Variants in CES4A observed in about 807,000 individuals in gnomAD.
CES4A encodes carboxylesterase 6.
In CES4A, 48 loss-of-function variants were observed where a neutral mutation model predicts 65.4. The ratio of observed to expected loss-of-function variants is 0.73; its 90% CI spans 0.58 to 0.93. The LOEUF (loss-of-function observed/expected upper bound fraction) is 0.93. Among genes scored for constraint, CES4A ranks in the 40% least tolerant of loss-of-function variants. The probability of loss-of-function intolerance (pLI) is 0.00; values close to 1 mark genes in which losing one functional copy is unlikely to be tolerated. For synonymous variants in CES4A, 247 were observed against 281.8 expected (o/e 0.88, Z 1.24); for missense variants, 685 against 728.5 (o/e 0.94, Z 0.69).
chr16:66,999,844 G>T (rs907226128), intron 2 of CES4A, among the ~76,000 whole-genome samples: 1 of 152,196 alleles, frequency 6.6e-6, no homozygotes, highest in African/African-American at 2.4e-5. Flanking sequence ...AGAAGAGGAA[G>T]TGACCAGGAG....
rs778656990 is a variant in CES4A at position 67,000,893 on chromosome 16, G to A, written c.439G>A (p.Gly147Ser). 2 of 1,610,496 alleles carry A rather than the reference G, an allele frequency of 1.2e-6. No homozygotes were observed. The highest frequency in any genetic ancestry group is 1.7e-6 in the Non-Finnish European group (2 of 1,178,454). ...GTTCCCGGGAGGCGCCTTCATCGTG[G>A]GCGCTGCTTCTTCGTACGAGGGCTC... Residue 147 changes from glycine to serine, a missense_variant, in exon 4 of 14, where the codon GGC (glycine) becomes AGC (serine). Gly to Ser is a moderately conservative substitution (Grantham distance 56). Transcript: ENST00000648724. This position sits in a 1 kb window ranked among gnomAD's most constrained non-coding sequence, Gnocchi z 4.2.
intron 1 of CES4A, among the ~76,000 whole-genome samples, chr16:66,990,159 TC>T (rs1338870556): frequency 6.8e-6 from 1 of 147,556 alleles, no homozygotes; most frequent in Non-Finnish European, 1.5e-5. Context: ...CAAGCAATTC[TC>T]CCCACCTCAG....
intron 5 of CES4A, among the ~76,000 whole-genome samples, chr16:67,002,269 G>A (rs1454795772): frequency 6.6e-6 from 1 of 152,120 alleles, no homozygotes; most frequent in Non-Finnish European, 1.5e-5. Flanking sequence ...GGGTTCAAGC[G>A]ATTCTCCAAA....
chr16:66,994,867 G>A (rs1308464592), intron 1 of CES4A, among the ~76,000 whole-genome samples: 11 of 150,730 alleles, frequency 7.3e-5, no homozygotes, highest in East Asian at 6.0e-4. Context: ...AGCCAGGCGC[G>A]GTGCTGTGTG....
rs1045441458 is a variant in CES4A, at chr16:67,000,552, A to G, written c.261-86A>G. The G allele has an allele frequency of 8.4e-5, 124 of 1,482,800 alleles. 1 individual carries two copies. The South Asian group carries it at 1.6e-3, about 19-fold the overall frequency. 91.9% of individuals were successfully genotyped at this position (1,482,800 alleles called of 1,614,324 possible). A position where few individuals can be genotyped will look rare whatever the true frequency, so the allele number is the denominator to read the frequency against. Reference sequence around the variant, plus strand: ...ACGCACGCGCACAGACGCTGCCTGGATTTTGCTTTGGGTTCCGTCTTCTCA... The same window carrying G: ...ACGCACGCGCACAGACGCTGCCTGGGTTTTGCTTTGGGTTCCGTCTTCTCA... On this transcript the variant is annotated intron_variant, in intron 2 of 13. Transcript: ENST00000648724. The surrounding 1 kb of genome is among the most constrained non-coding windows in gnomAD (Gnocchi z 4.2).
At chr16:67,006,787 T>C in exon 13 of CES4A, 2 of 1,614,166 alleles carry the variant, frequency 1.2e-6, no homozygotes, top group Non-Finnish European at 8.5e-7. Flanking sequence ...CTCCAGATGA[T>C]GAAATACTGG....
At chr16:66,989,623 C>T (rs759682998) in intron 1 of CES4A, among the ~76,000 whole-genome samples, 3 of 151,788 alleles carry the variant, frequency 2.0e-5, no homozygotes, top group African/African-American at 4.8e-5. Context: ...TTTGGGAGGC[C>T]GAAGCGGGCA....
intron 2 of CES4A, among the ~76,000 whole-genome samples, chr16:66,997,044 C>T (rs1964909592): frequency 6.7e-6 from 1 of 149,406 alleles, no homozygotes; most frequent in South Asian, 2.1e-4. Flanking sequence ...CAGCCTGAGC[C>T]ACAGAGTGAG....
In CES4A at chr16:67,003,248, C is replaced by T. The variant is rs1022026011; in HGVS notation, c.796-8C>T. On this transcript the variant is annotated splice_region_variant and splice_polypyrimidine_tract_variant and intron_variant, in intron 6 of 13. Coordinates refer to ENST00000648724, the Ensembl canonical transcript of CES4A. This position sits in a 1 kb window ranked among gnomAD's most constrained non-coding sequence, Gnocchi z 4.2. ...AGCACCACTGAGCATCCTTTCTTCT[C>T]TCTATAGAAGGTTGCCCACCTGGCT... 3 of 1,613,794 alleles carry T rather than the reference C, an allele frequency of 1.9e-6. No individual in the cohort carries two copies.
chr16:67,000,574 C>G lies in CES4A; in HGVS notation c.261-64C>G, dbSNP rs1266148580. ...TGGATTTTGCTTTGGGTTCCGTCTT[C>G]TCACTGCGGACCCTGGATTGAAACG... On this transcript the variant is annotated intron_variant, in intron 2 of 13. Coordinates refer to ENST00000648724, the Ensembl canonical transcript of CES4A. The surrounding 1 kb of genome is among the most constrained non-coding windows in gnomAD (Gnocchi z 4.2). The G allele has an allele frequency of 5.3e-6, 8 of 1,502,292 alleles. No individual in the cohort carries two copies. Among genetic ancestry groups the G allele is most frequent in the African/African-American group, 1.4e-5 (1 of 71,336 alleles). 93.1% of individuals were successfully genotyped at this position (1,502,292 alleles called of 1,614,324 possible). A position where few individuals can be genotyped will look rare whatever the true frequency, so the allele number is the denominator to read the frequency against.
chr16:66,998,865 A>G (rs1233922725), intron 2 of CES4A, among the ~76,000 whole-genome samples: 4 of 143,888 alleles, frequency 2.8e-5, no homozygotes, highest in African/African-American at 1.0e-4. Context: ...CATCTCAAAC[A>G]AAAAAAAAAA....
intron 1 of CES4A, among the ~76,000 whole-genome samples, chr16:66,994,418 A>G (rs575507208): frequency 3.3e-4 from 49 of 150,230 alleles, no homozygotes; most frequent in African/African-American, 1.1e-3. Context: ...TATTTTTAGT[A>G]GAGACGGGGT....
chr16:66,995,359 C>A (rs1005620537), intron 1 of CES4A, among the ~76,000 whole-genome samples: 1 of 151,576 alleles, frequency 6.6e-6, no homozygotes, highest in Non-Finnish European at 1.5e-5. Flanking sequence ...ATAAACGAAA[C>A]GTTAAAGGAG....
intron 2 of CES4A, among the ~76,000 whole-genome samples, chr16:66,998,004 CT>C (rs1964995350): frequency 6.9e-6 from 1 of 145,656 alleles, no homozygotes; most frequent in Admixed American, 6.9e-5. Flanking sequence ...CACACAGTTC[CT>C]TTTGGGGCCT....
At chr16:66,990,741 G>A (rs1369810178) in intron 1 of CES4A, among the ~76,000 whole-genome samples, 1 of 151,168 alleles carries the variant, frequency 6.6e-6, no homozygotes. Context: ...AAGAAAGAAT[G>A]AATGAATAAA....
rs1965214057 is a variant in CES4A, at chr16:67,000,594, GA to G, written c.261-41del. 6.6e-7 allele frequency: 1 copy of G among 1,522,630 alleles called. No homozygotes were observed. The highest frequency in any genetic ancestry group is 2.5e-5 in the East Asian group (1 of 40,316). 94.3% of individuals were successfully genotyped at this position (1,522,630 alleles called of 1,614,324 possible). Reference sequence around the variant, plus strand: ...GTCTTCTCACTGCGGACCCTGGATTGAAACGATCTCCCCGCGGCCGCCGCCG... The same window carrying G: ...GTCTTCTCACTGCGGACCCTGGATTGAACGATCTCCCCGCGGCCGCCGCCG... On this transcript the variant is annotated intron_variant, in intron 2 of 13. Coordinates refer to ENST00000648724, the Ensembl canonical transcript of CES4A. This position sits in a 1 kb window ranked among gnomAD's most constrained non-coding sequence, Gnocchi z 4.2.
At chr16:67,010,018 G>T (rs916707130), downstream of CES4A, among the ~76,000 whole-genome samples, 1 of 151,268 alleles carries the variant, frequency 6.6e-6, no homozygotes, top group Non-Finnish European at 1.5e-5. Context: ...CCTGCAGCCC[G>T]TGTGTATCCC....
exon 12 of CES4A, chr16:67,006,406 T>C (rs930788699): frequency 2.6e-6 from 4 of 1,536,602 alleles, no homozygotes; most frequent in Non-Finnish European, 2.6e-6. Flanking sequence ...GGCCTCCCTG[T>C]CTACCTGTAT....
chr16:67,004,830 A>G (rs1333588712), exon 10 of CES4A: 1 of 1,536,130 alleles, frequency 6.5e-7, no homozygotes, highest in Non-Finnish European at 8.7e-7. Context: ...GCGATGAGAA[A>G]GGAAACCATC....
Sources: allele counts gnomAD v4.1 joint callset (sites outside exome capture counted in the v4.1 genomes callset), GRCh38; gene constraint gnomAD v4.1.1; non-coding constraint Gnocchi (gnomAD v3.1); transcripts MANE v1.5; gene names NCBI Gene and HGNC (gene_info 2026-07-23, HGNC 2026-07-21).